Variants in SHE observed in about 807,000 individuals in gnomAD.
SHE encodes SH2 domain-containing adapter protein E.
A neutral mutation model predicts 49.8 loss-of-function variants in SHE; 11 were observed. The observed-to-expected ratio is 0.22, with a 90% CI of 0.14 to 0.37. The LOEUF is 0.37. Ranked by LOEUF, SHE falls within the 10% of genes least tolerant of loss-of-function variation. SHE has a pLI of 1.00. For missense variants in SHE, 624 were observed against 655.5 expected, an observed-to-expected ratio of 0.95 and a Z score of 0.52; for synonymous variants, 310 against 278.1, an observed-to-expected ratio of 1.11 and a Z score of -1.14.
At chr1:154,486,201 T>A in intron 4 of SHE, 139 bp from the exon 5 acceptor site, 1 of 1,201,020 alleles carries the variant, frequency 8.3e-7, no homozygotes, top group Admixed American at 2.2e-5. Flanking sequence ...CTGCTTCACA[T>A]TCAGAACAGA....
At chr1:154,478,346 TC>T (rs1691934077), downstream of SHE, among the ~76,000 whole-genome samples, 1 of 146,490 alleles carries the variant, frequency 6.8e-6, no homozygotes, top group African/African-American at 2.6e-5. Flanking sequence ...CAGTCACCAC[TC>T]CCAAGGCCAG....
chr1:154,499,589 C>G (rs1260298092), intron 1 of SHE, among the ~76,000 whole-genome samples: 1 of 152,044 alleles, frequency 6.6e-6, no homozygotes, highest in Non-Finnish European at 1.5e-5. Context: ...GGGTATGTGG[C>G]TTTACCACAT....
rs756695084 is a variant in SHE, at chr1:154,486,550, C to T, written c.1158G>A (p.Pro386=). The T allele has an allele frequency of 7.4e-6, 12 of 1,614,000 alleles. No individual in the cohort carries two copies. The highest frequency in any genetic ancestry group is 1.6e-4 in the Middle Eastern group (1 of 6,068). Residue 386 remains proline (P), a synonymous_variant, in exon 4 of 6, where the codon CCG becomes CCA. Transcript: ENST00000304760. ...ACGGCTGCTTCTCCAGGGGCAGGCC[C>T]GGGTCCACTTTCTCTCCCTCACTGT... The part of the protein sequence containing the change: ...SDHSEGEKVD[P]GLPLEKQPWY...
intron 1 of SHE, among the ~76,000 whole-genome samples, chr1:154,473,027 T>C (rs6675472): frequency 0.73 from 110,920 of 151,568 alleles, 41,322 homozygotes; most frequent in East Asian, 0.83. Context: ...AGATGGAGTT[T>C]TGCTGTTGTT....
chr1:154,495,006 T>C (rs950064046), intron 2 of SHE, among the ~76,000 whole-genome samples: 1 of 152,198 alleles, frequency 6.6e-6, no homozygotes, highest in Non-Finnish European at 1.5e-5. Flanking sequence ...GAGCTGAGAT[T>C]GCACCACTGC....
rs915991916 is a variant in SHE, at chr1:154,480,781, C to T, written c.*3368G>A. On this transcript the variant is annotated 3_prime_UTR_variant, in exon 6 of 6. Coordinates refer to ENST00000304760, the MANE Select transcript of SHE (RefSeq NM_001010846.3). The stretch of plus-strand genomic sequence containing the variant: ...TTATTTTATTCCTAGCTTAAATACA[C>T]ACAAGGCCAGTGGTTTGCAGGCCAT... 7 of 985,314 alleles carry T rather than the reference C, an allele frequency of 7.1e-6. No homozygotes were observed. The highest frequency in any genetic ancestry group is 1.2e-4 in the Admixed American group (2 of 16,264). 61.0% of individuals were successfully genotyped at this position (985,314 alleles called of 1,614,324 possible).
intron 3 of SHE, among the ~76,000 whole-genome samples, chr1:154,488,464 G>T (rs1043304607): frequency 3.9e-5 from 6 of 152,158 alleles, no homozygotes; most frequent in Non-Finnish European, 7.4e-5. Flanking sequence ...TTACCATGTT[G>T]GCCAGGCCGG....
In SHE at chr1:154,481,571, T is replaced by A. The variant is rs190071823; in HGVS notation, c.*2578A>T. 1 of 985,280 alleles carries A rather than the reference T, an allele frequency of 1.0e-6. No homozygotes were observed. Among genetic ancestry groups the A allele is most frequent in the Non-Finnish European group, 1.2e-6 (1 of 829,916 alleles). The allele number at this position is 985,280 out of a possible 1,614,324, so 61.0% of individuals were successfully genotyped here. A position where few individuals can be genotyped will look rare whatever the true frequency, so the allele number is the denominator to read the frequency against. On this transcript the variant is annotated 3_prime_UTR_variant, in exon 6 of 6. Transcript: ENST00000304760. ...TGGGTATGGGCCAAAAATCATTTAGTGCACAAAGAAAAATTGTATAAAGCT... is the reference window on the plus strand; with the variant it reads ...TGGGTATGGGCCAAAAATCATTTAGAGCACAAAGAAAAATTGTATAAAGCT...
In SHE at chr1:154,486,612, A is replaced by C. The variant is rs766111652; in HGVS notation, c.1096T>G (p.Trp366Gly). ...TVRQHHRQKS[W>G]TQKILKPALS... The stretch of plus-strand genomic sequence containing the variant: ...GCTGGCTTCAGGATCTTCTGGGTCC[A>C]GCTCTTCTGCCGGTGGTGCTGCCTC... Residue 366 changes from tryptophan (W) to glycine (G), a missense_variant, in exon 4 of 6, where the codon TGG becomes GGG. Physicochemically the swap from Trp to Gly is radical, Grantham distance 184. This residue lies in a region of SHE where 125 missense variants were observed against 181.7 expected (regional missense o/e 0.69). Coordinates refer to ENST00000304760, the MANE Select transcript of SHE (RefSeq NM_001010846.3). 3.7e-6 allele frequency: 6 copies of C among 1,614,144 alleles called. No individual in the cohort carries two copies. In the Admixed American group the frequency reaches 8.3e-5, roughly 22 times the overall value.
intron 3 of SHE, among the ~76,000 whole-genome samples, chr1:154,487,452 AAAT>A (rs1692214453): frequency 1.3e-5 from 2 of 152,250 alleles, no homozygotes; most frequent in South Asian, 4.1e-4. Context: ...AAAGACTACC[AAAT>A]AATACGAGAT....
At chr1:154,470,064 G>A (rs1212947609) in exon 2 of SHE, 3 of 332,112 alleles carry the variant, frequency 9.0e-6, no homozygotes, top group East Asian at 8.1e-5. Context: ...GAGAGGCGCC[G>A]CCTCTGGGCC....
At chr1:154,495,302 G>C (rs930102676) in intron 2 of SHE, among the ~76,000 whole-genome samples, 3 of 152,184 alleles carry the variant, frequency 2.0e-5, no homozygotes, top group Non-Finnish European at 4.4e-5. Context: ...AAATATCTTA[G>C]CTAGAATATT....
At position 154,501,494 on chromosome 1, in the gene SHE, G is replaced by A. The variant is rs756736722; in HGVS notation, c.533C>T (p.Ser178Phe). Reference protein sequence around the residue: ...SSSSSSSASSSPSSLGPELDK... With the variant: ...SSSSSSSASSFPSSLGPELDK... ...CAGCTCGGGCCCCAGGGAGGAAGGG[G>A]AAGAGGACGCGGAGGAAGAGGAGCT... The change falls in exon 1 of 6, where the codon TCC (serine) becomes TTC (phenylalanine). Residue 178 changes from serine (S) to phenylalanine (F), a missense_variant. By Grantham distance (155) the Ser-to-Phe change is radical. This residue lies in a region of SHE where 337 missense variants were observed against 306.0 expected (regional missense o/e 1.10). Transcript: ENST00000304760. 1.2e-6 allele frequency: 2 copies of A among 1,614,188 alleles called. No individual in the cohort carries two copies. Among genetic ancestry groups the A allele is most frequent in the African/African-American group, 1.3e-5 (1 of 75,046 alleles).
chr1:154,501,855 G>A lies in SHE; in HGVS notation c.172C>T (p.Pro58Ser). The change falls in exon 1 of 6, where the codon CCC becomes TCC. Residue 58 changes from proline (P) to serine (S), a missense_variant. Pro to Ser is a moderately conservative substitution (Grantham distance 74, BLOSUM62 -1). Around this residue, in one of 4 missense-constraint regions of SHE, gnomAD observed 337 missense variants for 306.0 expected, o/e 1.10. Transcript: ENST00000304760. Reference protein sequence around the residue: ...NLKTVSERAKPGGGGGKLRKN... With the variant: ...NLKTVSERAKSGGGGGKLRKN... Reference sequence around the variant, plus strand: ...CGCAATTTGCCGCCGCCGCCCCCGGGCTTGGCCCGCTCCGACACGGTCTTC... The same window carrying A: ...CGCAATTTGCCGCCGCCGCCCCCGGACTTGGCCCGCTCCGACACGGTCTTC... 1 of 1,537,584 alleles carries A rather than the reference G, an allele frequency of 6.5e-7. No individual in the cohort carries two copies. The highest frequency in any genetic ancestry group is 1.2e-5 in the South Asian group (1 of 84,366).
rs574437162 is a variant in SHE, at chr1:154,479,652, A to AT, written c.*4496dup. 2.0e-3 allele frequency: 1,980 copies of AT among 973,564 alleles called. 3 individuals are homozygous for AT. The highest frequency in any genetic ancestry group is 2.2e-3 in the Non-Finnish European group (1,820 of 819,130). The allele number at this position is 973,564 out of a possible 1,614,324, so 60.3% of individuals were successfully genotyped here. On this transcript the variant is annotated 3_prime_UTR_variant, in exon 6 of 6. Transcript: ENST00000304760. ...CCTATATTACATACAATCTTCAAAC[A>AT]TTTTTAAAAGTTGAAACTATGTATT... is the stretch of plus-strand genomic sequence containing the variant.
intron 3 of SHE, among the ~76,000 whole-genome samples, chr1:154,487,669 C>G (rs181091579): frequency 5.2e-4 from 79 of 151,454 alleles, no homozygotes; most frequent in Non-Finnish European, 9.4e-4. Flanking sequence ...CTGGGCAGCA[C>G]AGTGAGACCC....
At chr1:154,475,996 C>T (rs1416284867), downstream of SHE, among the ~76,000 whole-genome samples, 1 of 152,188 alleles carries the variant, frequency 6.6e-6, no homozygotes, top group East Asian at 1.9e-4. Flanking sequence ...TTGAGATTCT[C>T]CATTTTAAAA....
In SHE at chr1:154,480,214, T is replaced by C; in HGVS notation, c.*3935A>G. ...TTATGGAAAAATAGGAGACAACTAG[T>C]GAACGAGAGATCTGTGAAGGGTTTC... is the stretch of plus-strand genomic sequence containing the variant. On this transcript the variant is annotated 3_prime_UTR_variant, in exon 6 of 6. Transcript: ENST00000304760. 1 of 985,354 alleles carries C rather than the reference T, an allele frequency of 1.0e-6. No individual in the cohort carries two copies. The highest frequency in any genetic ancestry group is 1.2e-6 in the Non-Finnish European group (1 of 829,934). 61.0% of individuals were successfully genotyped at this position (985,354 alleles called of 1,614,324 possible). A position where few individuals can be genotyped will look rare whatever the true frequency, so the allele number is the denominator to read the frequency against.
At chr1:154,498,918 G>A (rs1046302451) in intron 2 of SHE, among the ~76,000 whole-genome samples, 194 bp downstream of exon 2, 3 of 152,174 alleles carry the variant, frequency 2.0e-5, no homozygotes, top group Non-Finnish European at 4.4e-5. Context: ...CTAAAACTCT[G>A]AAGGATACTA....
Sources: allele counts gnomAD v4.1 joint callset (sites outside exome capture counted in the v4.1 genomes callset), GRCh38; gene constraint gnomAD v4.1.1; regional missense constraint gnomAD v4.1.1; transcripts MANE v1.5; gene names NCBI Gene and HGNC (gene_info 2026-07-23, HGNC 2026-07-21).